DUSP16: variants seen among roughly 807,000 people sequenced by gnomAD.
The protein encoded by DUSP16 is dual specificity protein phosphatase 16.
In DUSP16, 21 loss-of-function variants were observed where a neutral mutation model predicts 58.3. The observed-to-expected ratio is 0.36, with a 90% CI of 0.26 to 0.52. The LOEUF is 0.52. Among genes scored for constraint, DUSP16 ranks in the 20% least tolerant of loss-of-function variants. DUSP16 has a pLI of 0.94. For synonymous variants in DUSP16, 320 were observed against 323.8 expected (o/e 0.99, Z 0.12); for missense variants, 726 against 819.0 (o/e 0.89, Z 1.39).
rs202242730 is a variant in DUSP16 at position 12,477,038 on chromosome 12, C to A, written c.1793G>T (p.Arg598Leu). ...PTCGDQVYSV[R>L]RRQKPSDRAD... The stretch of plus-strand genomic sequence containing the variant: ...TCTGTCACTTGGCTTCTGCCGCCTG[C>A]GCACAGAATAGACTTGGTCTCCGCA... The change falls in exon 7 of 7, where the codon CGC becomes CTC. Residue 598 changes from arginine (R) to leucine (L), a missense_variant. Coordinates refer to ENST00000298573, the MANE Select transcript of DUSP16 (RefSeq NM_030640.3). This position sits in a 1 kb window ranked among gnomAD's most constrained non-coding sequence, Gnocchi z 4.1. 6.2e-7 allele frequency: 1 copy of A among 1,614,272 alleles called. No individual in the cohort carries two copies. The highest frequency in any genetic ancestry group is 1.7e-5 in the Admixed American group (1 of 60,028).
chr12:12,488,770 C>G (rs1275002058), intron 4 of DUSP16, among the ~76,000 whole-genome samples: 1 of 152,180 alleles, frequency 6.6e-6, no homozygotes, highest in Non-Finnish European at 1.5e-5. Context: ...AATAAATATA[C>G]TTTATTTTAC....
Position 12,500,639 on chromosome 12 carries a change from T to C in DUSP16, c.411A>G (p.Glu137=), listed in dbSNP as rs1943894857. The C allele has an allele frequency of 6.2e-7, 1 of 1,606,556 alleles. No homozygotes were observed. The highest frequency in any genetic ancestry group is 8.5e-7 in the Non-Finnish European group (1 of 1,176,908). The change falls in exon 4 of 7, where the codon GAA becomes GAG. Residue 137 remains glutamate, a synonymous_variant. Coordinates refer to ENST00000298573, the MANE Select transcript of DUSP16 (RefSeq NM_030640.3). ...AGGTAGGGACTAGAGTGGATTTTCC[T>C]TCACAGAGGCCAGGGAAACAACGAG... The part of the protein sequence containing the change: ...EFSRCFPGLC[E]GKSTLVPTCI...
chr12:12,518,004 C>T lies in DUSP16; in HGVS notation c.367+1858G>A, dbSNP rs1418143076. On this transcript the variant is annotated intron_variant, in intron 3 of 6. Transcript: ENST00000298573. ...CTACACAGGATAGATTAAGAACCTT[C>T]CCAGGTAACAAAGGAATGCTCTTTG... Among the ~76,000 whole-genome samples, 3 of 152,278 alleles carry T rather than the reference C, an allele frequency of 2.0e-5. No individual in the cohort carries two copies. In the East Asian group the frequency reaches 5.8e-4, roughly 29 times the overall value.
intron 3 of DUSP16, among the ~76,000 whole-genome samples, chr12:12,510,098 G>T (rs1279522660): frequency 6.6e-6 from 1 of 152,032 alleles, no homozygotes; most frequent in Non-Finnish European, 1.5e-5. Flanking sequence ...CCTAAATGGC[G>T]CAGGACTCCA....
chr12:12,529,108 C>G (rs908719068), intron 1 of DUSP16, among the ~76,000 whole-genome samples: 1 of 152,112 alleles, frequency 6.6e-6, no homozygotes, highest in African/African-American at 2.4e-5. Context: ...GGAAACTGAA[C>G]TTTTGTTTTT....
At chr12:12,500,891 C>G (rs1432164158) in intron 3 of DUSP16, among the ~76,000 whole-genome samples, 1 of 152,174 alleles carries the variant, frequency 6.6e-6, no homozygotes, top group Non-Finnish European at 1.5e-5. Context: ...TAGGCAAGTC[C>G]TGAAGGCACT....
At chr12:12,534,711 A>G (rs148482351) in intron 1 of DUSP16, among the ~76,000 whole-genome samples, 78 of 152,302 alleles carry the variant, frequency 5.1e-4, no homozygotes, top group African/African-American at 1.8e-3. Context: ...ATGTACTGCT[A>G]TTATAACAAG....
chr12:12,486,783 G>A (rs1455387440), intron 5 of DUSP16, among the ~76,000 whole-genome samples: 1 of 152,186 alleles, frequency 6.6e-6, no homozygotes, highest in Non-Finnish European at 1.5e-5. Context: ...TACAGATCCT[G>A]TGAAGCTTAA....
At chr12:12,535,238 C>T (rs891021949) in intron 1 of DUSP16, among the ~76,000 whole-genome samples, 1 of 152,166 alleles carries the variant, frequency 6.6e-6, no homozygotes, top group African/African-American at 2.4e-5. Context: ...CCCAGTAACG[C>T]TGTTGTCTGA....
At position 12,562,123 on chromosome 12, in the gene DUSP16, G is replaced by A. The variant is rs1230819214; in HGVS notation, c.-372C>T. The A allele has an allele frequency of 1.3e-5, 2 of 151,690 alleles. No individual in the cohort carries two copies. The highest frequency in any genetic ancestry group is 2.4e-5 in the African/African-American group (1 of 41,358). The allele number at this position is 151,690 out of a possible 1,614,324, so 9.4% of individuals were successfully genotyped here. On this transcript the variant is annotated 5_prime_UTR_variant, in exon 1 of 7. Transcript: ENST00000298573. The stretch of plus-strand genomic sequence containing the variant: ...GCCCGCCAAGGCCACTTACTTTTGG[G>A]GCCGCCGACCTCCCAATTCCCTCAG...
intron 3 of DUSP16, among the ~76,000 whole-genome samples, chr12:12,513,061 T>G (rs1211726466): frequency 6.6e-6 from 1 of 152,192 alleles, no homozygotes; most frequent in East Asian, 1.9e-4. Context: ...CTTATTAAAT[T>G]GAAAATGTGT....
intron 1 of DUSP16, among the ~76,000 whole-genome samples, chr12:12,553,944 T>C (rs1323479525): frequency 6.6e-6 from 1 of 152,062 alleles, no homozygotes; most frequent in African/African-American, 2.4e-5. Flanking sequence ...ACACCTATAA[T>C]CCTAGCACTT....
At chr12:12,506,088 C>G (rs1471965999) in intron 3 of DUSP16, 2 of 152,174 alleles carry the variant, frequency 1.3e-5, no homozygotes, top group East Asian at 1.9e-4. Context: ...ATTCACTGAC[C>G]TTTCATTCAC....
At chr12:12,499,647 G>A (rs374155903) in intron 4 of DUSP16, among the ~76,000 whole-genome samples, 109 of 152,300 alleles carry the variant, frequency 7.2e-4, no homozygotes, top group South Asian at 2.7e-3. Flanking sequence ...CAAGGAGAAC[G>A]TGTTAAGGGG....
intron 6 of DUSP16, among the ~76,000 whole-genome samples, chr12:12,478,311 G>A (rs1022759733): frequency 6.6e-6 from 1 of 151,488 alleles, no homozygotes; most frequent in Non-Finnish European, 1.5e-5. Flanking sequence ...GATAAGAGAT[G>A]GTATGGGGTT....
In DUSP16 at chr12:12,519,982, GACTGCAATC is replaced by G; in HGVS notation, c.238_246del (p.Asp80_Ser82del). 2 of 1,614,094 alleles carry G rather than the reference GACTGCAATC, an allele frequency of 1.2e-6. No homozygotes were observed. Among genetic ancestry groups the G allele is most frequent in the Non-Finnish European group, 1.7e-6 (2 of 1,179,974 alleles). On this transcript the variant is annotated inframe_deletion, in exon 3 of 7. Transcript: ENST00000298573. ...CTTTGATCGTAAACTACAACCTTCT[GACTGCAATC>G]AATGTCAACCTGAAATGCAAACATG... is the stretch of plus-strand genomic sequence containing the variant.
At chr12:12,510,128 G>A (rs145942341) in intron 3 of DUSP16, among the ~76,000 whole-genome samples, 11 of 152,096 alleles carry the variant, frequency 7.2e-5, no homozygotes, top group African/African-American at 1.7e-4. Context: ...GGAGAGTCCC[G>A]TAATATATCT....
chr12:12,560,575 T>A (rs1944883564), intron 1 of DUSP16, among the ~76,000 whole-genome samples: 1 of 152,178 alleles, frequency 6.6e-6, no homozygotes. Flanking sequence ...CTACTCACAT[T>A]TTTACTAAAA....
chr12:12,542,310 T>C (rs558422014), intron 1 of DUSP16, among the ~76,000 whole-genome samples: 6 of 145,684 alleles, frequency 4.1e-5, no homozygotes, highest in Admixed American at 2.1e-4. Context: ...GAGGTGGAGG[T>C]TGTGGTGAGC....
Sources: allele counts gnomAD v4.1 joint callset (sites outside exome capture counted in the v4.1 genomes callset), GRCh38; gene constraint gnomAD v4.1.1; non-coding constraint Gnocchi (gnomAD v3.1); transcripts MANE v1.5; gene names NCBI Gene and HGNC (gene_info 2026-07-23, HGNC 2026-07-21).